ATG13: variants seen among roughly 807,000 people sequenced by gnomAD.
The protein encoded by ATG13 is autophagy related 13.
Under a neutral mutation model 65.5 loss-of-function variants are expected in ATG13, and 23 were observed. The observed-to-expected ratio is 0.35, with a 90% CI of 0.25 to 0.50. ATG13 has a LOEUF of 0.50. ATG13 is among the 20% of genes least tolerant of loss of function. ATG13 has a pLI of 0.98. For missense variants in ATG13, 566 were observed against 677.0 expected (o/e 0.84, Z 1.82); for synonymous variants, 252 against 245.2 (o/e 1.03, Z -0.26).
intron 2 of ATG13, among the ~76,000 whole-genome samples, chr11:46,633,946 C>CTA (rs2052946367): frequency 6.6e-6 from 1 of 152,094 alleles, no homozygotes. Flanking sequence ...TTTTAGTTTC[C>CTA]TAAGCCTGAA....
chr11:46,622,977 G>A (rs1345999279), intron 1 of ATG13, among the ~76,000 whole-genome samples: 5 of 152,172 alleles, frequency 3.3e-5, no homozygotes, highest in Admixed American at 6.6e-5. Flanking sequence ...AGTACAGCTA[G>A]AGTCATCATT....
At position 46,664,017 on chromosome 11, in the gene ATG13, G is replaced by A; in HGVS notation, c.810G>A (p.Lys270=). ...CACAGTGTGTGTTTACTGTCACAAA[G>A]GCACATTTTCAGACCCCTACTCCTG... is the stretch of plus-strand genomic sequence containing the variant. ...PPSQCVFTVT[K]AHFQTPTPVV... is the part of the protein sequence containing the mutation. Residue 270 remains lysine, a synonymous_variant, in exon 12 of 19, where the codon AAG becomes AAA. Coordinates refer to ENST00000683050, the MANE Select transcript of ATG13 (RefSeq NM_001346311.2). The A allele has an allele frequency of 1.3e-6, 2 of 1,583,620 alleles. No individual in the cohort carries two copies. Among genetic ancestry groups the A allele is most frequent in the African/African-American group, 2.7e-5 (2 of 72,968 alleles).
chr11:46,658,934 A>G (rs187232266), intron 10 of ATG13, among the ~76,000 whole-genome samples: 39 of 152,344 alleles, frequency 2.6e-4, no homozygotes, highest in Admixed American at 4.6e-4. Context: ...TCACACCTGT[A>G]ATCCTAGCAC....
At chr11:46,651,812 A>G (rs2136483505) in intron 7 of ATG13, among the ~76,000 whole-genome samples, 1 of 152,226 alleles carries the variant, frequency 6.6e-6, no homozygotes, top group South Asian at 2.1e-4. Flanking sequence ...TCTGGTTTCA[A>G]GTTGTTTTAT....
In ATG13 at chr11:46,617,734, A is replaced by G; in HGVS notation, c.-226A>G. On this transcript the variant is annotated 5_prime_UTR_variant, in exon 1 of 19. Coordinates refer to ENST00000683050, the MANE Select transcript of ATG13 (RefSeq NM_001346311.2). Reference sequence around the variant, plus strand: ...GCAAAACGTCTGGGGCCTGCGAGCCAGGACCCTTCTGAAGCCTTAGGTGTC... The same window carrying G: ...GCAAAACGTCTGGGGCCTGCGAGCCGGGACCCTTCTGAAGCCTTAGGTGTC... The G allele has an allele frequency of 2.5e-6, 1 of 398,406 alleles. No homozygotes were observed. Among genetic ancestry groups the G allele is most frequent in the Admixed American group, 4.4e-5 (1 of 22,714 alleles). 24.7% of individuals were successfully genotyped at this position (398,406 alleles called of 1,614,324 possible).
At position 46,619,372 on chromosome 11, in the gene ATG13, CTTTTTTTTTTTTTTTT is replaced by C. The variant is rs746642470; in HGVS notation, c.-70+1496_-70+1511del. Among the ~76,000 whole-genome samples, 3 of 35,328 alleles carry C rather than the reference CTTTTTTTTTTTTTTTT, an allele frequency of 8.5e-5. No individual in the cohort carries two copies. In the East Asian group the frequency reaches 2.4e-3, roughly 29 times the overall value. 23.2% of individuals were successfully genotyped at this position (35,328 alleles called of 152,430 possible). ...ATGTCCTTGGAAGGTAGATTTCTTG[CTTTTTTTTTTTTTTTT>C]TTTTTTTTTTTTTGAGACGGAGTTT... On this transcript the variant is annotated intron_variant, in intron 1 of 18. Coordinates refer to ENST00000683050, the MANE Select transcript of ATG13 (RefSeq NM_001346311.2).
intron 18 of ATG13, among the ~76,000 whole-genome samples, chr11:46,670,029 C>T (rs1468071685): frequency 2.0e-5 from 3 of 152,166 alleles, no homozygotes; most frequent in Admixed American, 6.5e-5. Flanking sequence ...CTTCCTGCCT[C>T]TGAGGGGCAG....
intron 10 of ATG13, among the ~76,000 whole-genome samples, chr11:46,658,347 A>G (rs1040777278): frequency 2.0e-5 from 3 of 152,104 alleles, no homozygotes; most frequent in Non-Finnish European, 4.4e-5. Context: ...AGTCTCTACT[A>G]CTGATAATTC....
At chr11:46,643,082 G>GTTGGTCAGCATAGCCGAGTTCTGA (rs2056558666) in intron 2 of ATG13, among the ~76,000 whole-genome samples, 3 of 152,246 alleles carry the variant, frequency 2.0e-5, no homozygotes, top group African/African-American at 7.2e-5. Context: ...CCTAGTTCTG[G>GTTGGTCAGCATAGCCGAGTTCTGA]TTGGTCAGCA....
intron 2 of ATG13, among the ~76,000 whole-genome samples, chr11:46,642,700 C>T (rs926238565): frequency 6.6e-6 from 1 of 152,170 alleles, no homozygotes; most frequent in Non-Finnish European, 1.5e-5. Flanking sequence ...AACTGATTTC[C>T]CCATTTTTCA....
At position 46,672,614 on chromosome 11, in the gene ATG13, C is replaced by T. The variant is rs556964444; in HGVS notation, c.*282C>T. On this transcript the variant is annotated 3_prime_UTR_variant, in exon 19 of 19. Coordinates refer to ENST00000683050, the MANE Select transcript of ATG13 (RefSeq NM_001346311.2). Reference sequence around the variant, plus strand: ...TCAGCAGGGCCATCTGTGTGCCCTGCCCATCACCAACTGCTTCCCAAGGGT... The same window carrying T: ...TCAGCAGGGCCATCTGTGTGCCCTGTCCATCACCAACTGCTTCCCAAGGGT... The T allele has an allele frequency of 7.0e-7, 1 of 1,420,074 alleles. No homozygotes were observed. The highest frequency in any genetic ancestry group is 3.4e-5 in the East Asian group (1 of 29,354). The allele number at this position is 1,420,074 out of a possible 1,614,324, so 88.0% of individuals were successfully genotyped here.
chr11:46,664,793 A>G, intron 12 of ATG13, 56 bp from the exon 13 acceptor site: 1 of 1,485,912 alleles, frequency 6.7e-7, no homozygotes, highest in Non-Finnish European at 9.4e-7. Flanking sequence ...ACGCTCTGGG[A>G]TTGCCTATTT....
At chr11:46,656,928 T>TAC (rs144572744) in intron 8 of ATG13, 167 bp from the exon 9 acceptor site, 19,673 of 571,726 alleles carry the variant, frequency 0.034, 98 homozygotes, top group Middle Eastern at 0.043. Flanking sequence ...TACACGCACA[T>TAC]ACACACACAC....
At chr11:46,639,772 A>AT (rs1462862650) in intron 2 of ATG13, among the ~76,000 whole-genome samples, 20 of 151,194 alleles carry the variant, frequency 1.3e-4, no homozygotes, top group Admixed American at 1.3e-4. Flanking sequence ...ATATTCTTAC[A>AT]CTGGTTTGGT....
intron 1 of ATG13, among the ~76,000 whole-genome samples, chr11:46,622,508 A>G (rs1207445233): frequency 2.0e-5 from 3 of 152,212 alleles, no homozygotes; most frequent in African/African-American, 7.2e-5. Flanking sequence ...TACTTCATGC[A>G]TTCATCATCT....
chr11:46,664,910 C>G lies in ATG13; in HGVS notation c.950C>G (p.Ala317Gly). ...AALGVGSADL[A>G]YPVVFAAGLN... ...CTGGGCGTTGGATCAGCTGACCTGG[C>G]TTATCCAGTAGTGTTTGCTGCTGGC... The change falls in exon 13 of 19, where the codon GCT becomes GGT. Residue 317 changes from alanine to glycine, a missense_variant. Physicochemically the swap from Ala to Gly is moderately conservative, Grantham distance 60. Transcript: ENST00000683050. 1 of 1,614,028 alleles carries G rather than the reference C, an allele frequency of 6.2e-7. No homozygotes were observed. Among genetic ancestry groups the G allele is most frequent in the African/African-American group, 1.3e-5 (1 of 75,052 alleles).
At chr11:46,659,324 C>CT (rs1304836350) in intron 10 of ATG13, 68 bp from the exon 11 acceptor site, 1 of 1,312,350 alleles carries the variant, frequency 7.6e-7, no homozygotes, top group Non-Finnish European at 1.1e-6. Context: ...ATCTAATCAC[C>CT]TTTTATAGCC....
chr11:46,654,684 T>C (rs2059658374), intron 7 of ATG13, among the ~76,000 whole-genome samples: 1 of 151,948 alleles, frequency 6.6e-6, no homozygotes, highest in Non-Finnish European at 1.5e-5. Flanking sequence ...GTCATACCAC[T>C]GCACTCCAGC....
intron 7 of ATG13, 43 bp downstream of exon 7, chr11:46,650,360 C>A (rs1158140800): frequency 1.9e-6 from 3 of 1,584,554 alleles, no homozygotes; most frequent in Non-Finnish European, 1.7e-6. Context: ...CATCAACCCC[C>A]TCACTTTGTA....
Sources: gnomAD v4.1 joint callset for allele counts (sites outside exome capture counted in the v4.1 genomes callset) on GRCh38, gnomAD v4.1.1 for gene constraint, MANE v1.5 for transcripts, NCBI Gene and HGNC (gene_info 2026-07-23, HGNC 2026-07-21) for gene names.